Variants in CPS1 observed in about 807,000 individuals in gnomAD.
The protein encoded by CPS1 is carbamoyl-phosphate synthase [ammonia], mitochondrial.
A neutral mutation model predicts 174.6 loss-of-function variants in CPS1; 109 were observed. The observed-to-expected ratio is 0.62, with a 90% confidence interval of 0.53 to 0.73. CPS1 has a LOEUF of 0.73. Ranked by LOEUF, CPS1 falls within the 30% of genes least tolerant of loss-of-function variation. CPS1 has a pLI of 0.00. For synonymous variants in CPS1, 637 were observed against 632.0 expected (o/e 1.01, Z -0.12); for missense variants, 1,689 against 1,821.9 (o/e 0.93, Z 1.33).
intron 21 of CPS1, chr2:210,619,696 G>T (rs1699439350): frequency 6.6e-6 from 1 of 152,030 alleles, no homozygotes; most frequent in Non-Finnish European, 1.5e-5. Flanking sequence ...AAGATAAATA[G>T]CTTTCCCTTA....
intron 18 of CPS1, among the ~76,000 whole-genome samples, chr2:210,607,943 C>G (rs1026302807): frequency 6.6e-6 from 1 of 151,864 alleles, no homozygotes; most frequent in Non-Finnish European, 1.5e-5. Context: ...CTCTCTTGTA[C>G]TAGCTAACTC....
chr2:210,628,492 A>G (rs1242031953), intron 21 of CPS1, among the ~76,000 whole-genome samples: 2 of 152,182 alleles, frequency 1.3e-5, no homozygotes, highest in Non-Finnish European at 2.9e-5. Context: ...TTATTCTTAT[A>G]TATCTTACAT....
chr2:210,598,626 T>C (rs186202235), intron 13 of CPS1, among the ~76,000 whole-genome samples: 3 of 151,848 alleles, frequency 2.0e-5, no homozygotes, highest in Non-Finnish European at 2.9e-5. Context: ...AAGGGCATTA[T>C]GTAATAGTAA....
chr2:210,565,961 A>G (rs1358326461), intron 1 of CPS1, among the ~76,000 whole-genome samples: 1 of 152,186 alleles, frequency 6.6e-6, no homozygotes, highest in African/African-American at 2.4e-5. Flanking sequence ...GTAGAACTGG[A>G]CAGAGAACTA....
chr2:210,607,623 G>A (rs1698963852), intron 18 of CPS1, among the ~76,000 whole-genome samples: 1 of 151,816 alleles, frequency 6.6e-6, no homozygotes, highest in African/African-American at 2.4e-5. Context: ...AAGGCATGTT[G>A]CCCTGTACAG....
At chr2:210,500,069 C>T (rs1313732062) in intron 1 of CPS1, among the ~76,000 whole-genome samples, 1 of 152,028 alleles carries the variant, frequency 6.6e-6, no homozygotes. Flanking sequence ...GAATGAGTGC[C>T]AAGCAAAGGG....
intron 37 of CPS1, among the ~76,000 whole-genome samples, chr2:210,677,403 G>T (rs1701569691): frequency 6.6e-6 from 1 of 152,218 alleles, no homozygotes; most frequent in Non-Finnish European, 1.5e-5. Context: ...AAAAGTGACA[G>T]CATGACATGG....
At chr2:210,498,481 T>G (rs1695060875) in intron 1 of CPS1, among the ~76,000 whole-genome samples, 1 of 152,186 alleles carries the variant, frequency 6.6e-6, no homozygotes, top group African/African-American at 2.4e-5. Context: ...TGTATGGAAA[T>G]GCTAGTGAGT....
chr2:210,631,718 A>T (rs1038463320), intron 21 of CPS1, among the ~76,000 whole-genome samples: 1 of 152,226 alleles, frequency 6.6e-6, no homozygotes, highest in Admixed American at 6.5e-5. Context: ...AACCTTTTGT[A>T]AAGTTTGCCC....
chr2:210,564,633 C>T lies in CPS1; in HGVS notation c.126+7774C>T, dbSNP rs563901945. Among the ~76,000 whole-genome samples, 627 of 152,284 alleles carry T rather than the reference C, an allele frequency of 4.1e-3. 1 individual carries two copies. Among genetic ancestry groups the T allele is most frequent in the Non-Finnish European group, 5.9e-3 (400 of 68,024 alleles). On this transcript the variant is annotated intron_variant, in intron 1 of 37. Coordinates refer to ENST00000233072, the MANE Select transcript of CPS1 (RefSeq NM_001875.5). Reference sequence around the variant, plus strand: ...CCTTGTGATCCGCCCGCCTCGGCCTCCCAAAGTGCTGGGATTACAGGCGTG... The same window carrying T: ...CCTTGTGATCCGCCCGCCTCGGCCTTCCAAAGTGCTGGGATTACAGGCGTG...
chr2:210,512,605 A>G (rs1173685214), intron 1 of CPS1, among the ~76,000 whole-genome samples: 6 of 151,028 alleles, frequency 4.0e-5, no homozygotes, highest in Non-Finnish European at 8.9e-5. Flanking sequence ...TCAATCTACC[A>G]TTAATGGGCA....
At chr2:210,585,390 CTTA>C (rs1177055728) in intron 6 of CPS1, among the ~76,000 whole-genome samples, 1 of 151,870 alleles carries the variant, frequency 6.6e-6, no homozygotes, top group Non-Finnish European at 1.5e-5. Flanking sequence ...AACTGTAAGT[CTTA>C]TTAATAAAAA....
At chr2:210,506,846 G>A (rs1199162740) in intron 1 of CPS1, among the ~76,000 whole-genome samples, 2 of 152,148 alleles carry the variant, frequency 1.3e-5, no homozygotes, top group Non-Finnish European at 2.9e-5. Context: ...AAAAAGAAAT[G>A]AACAAAGCCT....
rs1470548604 is a variant in CPS1 at position 210,525,852 on chromosome 2, A to G, written c.4-30867A>G. Among the ~76,000 whole-genome samples the G allele has an allele frequency of 3.3e-5, 5 of 151,552 alleles. No homozygotes were observed. In the East Asian group the frequency reaches 9.8e-4, roughly 30 times the overall value. On this transcript the variant is annotated intron_variant, in intron 1 of 38. Transcript: ENST00000430249. ...GGGAGAGAGAAAGAGAGGAGGAAGG[A>G]GAAGAAGGAGCAGCAGTAGGAGAAA...
chr2:210,483,525 C>T lies in CPS1; in HGVS notation c.3+5759C>T, dbSNP rs532090686. 2.0e-5 allele frequency among the ~76,000 whole-genome samples: 3 copies of T among 152,332 alleles called. No individual in the cohort carries two copies. In the South Asian group the frequency reaches 6.2e-4, roughly 32 times the overall value. On this transcript the variant is annotated intron_variant, in intron 1 of 38. Transcript: ENST00000430249. ...GAGAGCCAATATGCTTAACCATCTACTGTCCTCCTCCTTCTGCCCAGGTAG... is the reference window on the plus strand; with the variant it reads ...GAGAGCCAATATGCTTAACCATCTATTGTCCTCCTCCTTCTGCCCAGGTAG...
intron 1 of CPS1, among the ~76,000 whole-genome samples, chr2:210,543,489 C>A (rs1179576351): frequency 5.3e-5 from 8 of 151,976 alleles, no homozygotes; most frequent in Non-Finnish European, 1.2e-4. Context: ...CTTTTCCTCC[C>A]ACATGACCCA....
intron 19 of CPS1, among the ~76,000 whole-genome samples, chr2:210,611,321 A>T (rs1699112103): frequency 6.6e-6 from 1 of 152,010 alleles, no homozygotes; most frequent in Non-Finnish European, 1.5e-5. Context: ...TACTGAAAAT[A>T]GCATTATGAC....
intron 21 of CPS1, among the ~76,000 whole-genome samples, chr2:210,628,827 C>T (rs541935685): frequency 1.3e-5 from 2 of 151,560 alleles, no homozygotes; most frequent in South Asian, 4.2e-4. Context: ...TTTATTTTAA[C>T]AAGGCTCTAA....
At chr2:210,479,271 C>G (rs543438724) in intron 1 of CPS1, among the ~76,000 whole-genome samples, 1 of 151,958 alleles carries the variant, frequency 6.6e-6, no homozygotes, top group African/African-American at 2.4e-5. Context: ...GTCCTAATTT[C>G]CTCTTCTTAC....
Sources: allele counts gnomAD v4.1 joint callset (sites outside exome capture counted in the v4.1 genomes callset), GRCh38; gene constraint gnomAD v4.1.1; transcripts MANE v1.5; gene names NCBI Gene and HGNC (gene_info 2026-07-23, HGNC 2026-07-21).